Variants in AUTS2 observed in about 807,000 individuals in gnomAD.
The protein encoded by AUTS2 is activator of transcription and developmental regulator AUTS2.
Under a neutral mutation model 112.4 loss-of-function variants are expected in AUTS2, and 17 were observed. The observed-to-expected ratio is 0.15, with a 90% CI of 0.10 to 0.23. AUTS2 has a LOEUF of 0.23. Among genes scored for constraint, AUTS2 ranks in the 10% least tolerant of loss-of-function variants. AUTS2 has a pLI of 1.00. For synonymous variants in AUTS2, 751 were observed against 702.7 expected (o/e 1.07, Z -1.09); for missense variants, 1,510 against 1,701.6 (o/e 0.89, Z 1.98).
At chr7:69,907,369 T>G (rs1375443535) in intron 2 of AUTS2, among the ~76,000 whole-genome samples, 1 of 152,352 alleles carries the variant, frequency 6.6e-6, no homozygotes, top group Non-Finnish European at 1.5e-5. Context: ...TCTTGAACTT[T>G]GGGATACATT....
At chr7:70,541,922 A>T (rs1354908993) in intron 5 of AUTS2, among the ~76,000 whole-genome samples, 1 of 152,238 alleles carries the variant, frequency 6.6e-6, no homozygotes, top group Non-Finnish European at 1.5e-5. Context: ...TCAACAGCTT[A>T]TCACCAGGTA....
chr7:70,618,348 A>G (rs1256935468), intron 5 of AUTS2, among the ~76,000 whole-genome samples: 1 of 152,034 alleles, frequency 6.6e-6, no homozygotes, highest in East Asian at 1.9e-4. Flanking sequence ...TGATCTGGTC[A>G]CCCTGTGGGA....
intron 2 of AUTS2, among the ~76,000 whole-genome samples, chr7:70,069,706 TTG>T (rs1802662589): frequency 7.7e-6 from 1 of 130,034 alleles, no homozygotes; most frequent in East Asian, 2.2e-4. Flanking sequence ...ATGGTTTTTT[TTG>T]TTTTTTTTTT....
chr7:70,681,091 CTCGCT>C (rs1374153799), intron 5 of AUTS2, among the ~76,000 whole-genome samples: 1 of 152,218 alleles, frequency 6.6e-6, no homozygotes, highest in Non-Finnish European at 1.5e-5. Context: ...AAGATCCACA[CTCGCT>C]TCCCTGTGAA....
At chr7:69,642,739 C>G (rs1354766358) in intron 1 of AUTS2, among the ~76,000 whole-genome samples, 2 of 152,146 alleles carry the variant, frequency 1.3e-5, no homozygotes, top group Non-Finnish European at 2.9e-5. Context: ...CAAATATACC[C>G]ACCCCTTCCC....
chr7:70,377,486 A>G (rs2129631728), intron 4 of AUTS2, among the ~76,000 whole-genome samples: 1 of 149,708 alleles, frequency 6.7e-6, no homozygotes, highest in South Asian at 2.1e-4. Flanking sequence ...AAGCCATAAA[A>G]TGGCTTACCA....
At chr7:70,087,112 A>G (rs1803647667) in intron 2 of AUTS2, among the ~76,000 whole-genome samples, 1 of 152,044 alleles carries the variant, frequency 6.6e-6, no homozygotes, top group African/African-American at 2.4e-5. Context: ...GGTTTTCTGC[A>G]CATACCTTTA....
chr7:70,471,545 T>C (rs1174548903), intron 5 of AUTS2, among the ~76,000 whole-genome samples: 1 of 152,206 alleles, frequency 6.6e-6, no homozygotes, highest in Non-Finnish European at 1.5e-5. Context: ...TTAACAAATA[T>C]TTTTTGTATG....
chr7:70,594,891 C>G lies in AUTS2; in HGVS notation c.691-103678C>G, dbSNP rs547354331. 7.2e-5 allele frequency among the ~76,000 whole-genome samples: 11 copies of G among 152,294 alleles called. 1 individual carries two copies. In the South Asian group the frequency reaches 2.3e-3, roughly 32 times the overall value. On this transcript the variant is annotated intron_variant, in intron 5 of 18. Coordinates refer to ENST00000342771, the MANE Select transcript of AUTS2 (RefSeq NM_015570.4). The stretch of plus-strand genomic sequence containing the variant: ...CCGAGGCGGGTGGATCACCTGAGGT[C>G]AGGAGTTCAAGACCAGCCTGACCAA...
intron 1 of AUTS2, among the ~76,000 whole-genome samples, chr7:69,819,021 G>C (rs55990156): frequency 0.36 from 54,627 of 152,040 alleles, 10,410 homozygotes; most frequent in African/African-American, 0.49. Context: ...AATCTGCCAA[G>C]AGGGGCAGAT....
intron 2 of AUTS2, among the ~76,000 whole-genome samples, chr7:69,966,429 G>C (rs999407918): frequency 1.3e-5 from 2 of 152,158 alleles, no homozygotes; most frequent in African/African-American, 4.8e-5. Context: ...AAATATTTCA[G>C]ACCTTTTTGG....
intron 1 of AUTS2, among the ~76,000 whole-genome samples, chr7:69,638,887 G>C (rs2533442): frequency 0.62 from 93,561 of 152,088 alleles, 29,101 homozygotes; most frequent in East Asian, 0.71. Flanking sequence ...TGACAGTGGG[G>C]CACAGAGGTG....
intron 1 of AUTS2, among the ~76,000 whole-genome samples, chr7:69,837,625 T>G (rs1246782920): frequency 6.6e-6 from 1 of 152,162 alleles, no homozygotes. Context: ...GCTATTCACA[T>G]GTAGCAATTT....
chr7:69,663,911 G>T (rs1795918764), intron 1 of AUTS2, among the ~76,000 whole-genome samples: 1 of 152,196 alleles, frequency 6.6e-6, no homozygotes, highest in Non-Finnish European at 1.5e-5. Context: ...ATCCCAAAAT[G>T]AATCAAACAA....
chr7:70,618,188 G>A lies in AUTS2; in HGVS notation c.691-80381G>A, dbSNP rs555679211. Among the ~76,000 whole-genome samples the A allele has an allele frequency of 2.2e-4, 34 of 152,308 alleles. No individual in the cohort carries two copies. The South Asian group carries it at 6.2e-3, about 28-fold the overall frequency. ...GGTTGAGAGAACAAGGCATTAACAC[G>A]TCTGGTGACTGCTGCGCTGGTCCCG... On this transcript the variant is annotated intron_variant, in intron 5 of 18. Coordinates refer to ENST00000342771, the MANE Select transcript of AUTS2 (RefSeq NM_015570.4).
At chr7:70,764,546 G>A (rs886652516) in intron 7 of AUTS2, among the ~76,000 whole-genome samples, 7 of 151,908 alleles carry the variant, frequency 4.6e-5, no homozygotes, top group African/African-American at 7.3e-5. Flanking sequence ...CAGCAGTTTC[G>A]GTTTGCTCTG....
intron 1 of AUTS2, among the ~76,000 whole-genome samples, chr7:69,758,602 G>T (rs1053726949): frequency 6.6e-6 from 1 of 152,156 alleles, no homozygotes; most frequent in Non-Finnish European, 1.5e-5. Flanking sequence ...CACATTCAGT[G>T]AAATGTATCT....
At chr7:69,813,993 G>A (rs1178400524) in intron 1 of AUTS2, among the ~76,000 whole-genome samples, 2 of 152,276 alleles carry the variant, frequency 1.3e-5, no homozygotes, top group East Asian at 3.9e-4. Context: ...TGGCAAGTGA[G>A]CCCAGGGCAA....
intron 1 of AUTS2, among the ~76,000 whole-genome samples, chr7:69,642,086 C>T (rs1335612286): frequency 1.3e-5 from 2 of 152,194 alleles, no homozygotes; most frequent in Non-Finnish European, 2.9e-5. Flanking sequence ...GCACAGTCTT[C>T]TAATGCAGAC....
Sources: gnomAD v4.1 joint callset for allele counts (sites outside exome capture counted in the v4.1 genomes callset) on GRCh38, gnomAD v4.1.1 for gene constraint, MANE v1.5 for transcripts, NCBI Gene and HGNC (gene_info 2026-07-23, HGNC 2026-07-21) for gene names.